PLAC9: variants seen among roughly 807,000 people sequenced by gnomAD.
The protein encoded by PLAC9 is placenta associated 9, also known as placenta-specific protein 9.
In PLAC9, 12 loss-of-function variants were observed where a neutral mutation model predicts 11.5. The observed-to-expected ratio is 1.05, with a 90% CI of 0.67 to 1.69. The LOEUF (loss-of-function observed/expected upper bound fraction) is 1.69, where lower values mean the gene tolerates loss of function less well. PLAC9 is among the 40% of genes most tolerant of loss of function. The pLI is 0.00. For synonymous variants in PLAC9, 62 were observed against 58.1 expected, an observed-to-expected ratio of 1.07 and a Z score of -0.31; for missense variants, 132 against 130.5, an observed-to-expected ratio of 1.01 and a Z score of -0.06.
intron 1 of PLAC9, among the ~76,000 whole-genome samples, chr10:80,133,936 T>A (rs1291222041): frequency 8.1e-6 from 1 of 123,512 alleles, no homozygotes; most frequent in Non-Finnish European, 1.7e-5. Flanking sequence ...AGAGCAAGAC[T>A]CAGTTTCAAA....
At chr10:80,132,672 A>T, upstream of PLAC9, 1 of 1,128,296 alleles carries the variant, frequency 8.9e-7, no homozygotes, top group Non-Finnish European at 1.2e-6. Context: ...TTTGGCTCGA[A>T]CTGAGTGCAT....
intron 1 of PLAC9, among the ~76,000 whole-genome samples, chr10:80,138,027 C>CCT (rs1308315267): frequency 6.6e-6 from 1 of 151,958 alleles, no homozygotes; most frequent in Non-Finnish European, 1.5e-5. Flanking sequence ...CCCCCAGGGG[C>CCT]CTCTCTCTCT....
Position 80,140,458 on chromosome 10 carries a change from C to T in PLAC9, c.65-1624C>T, listed in dbSNP as rs144881717. Among the ~76,000 whole-genome samples, 11 of 152,298 alleles carry T rather than the reference C, an allele frequency of 7.2e-5. No individual in the cohort carries two copies. The South Asian group carries it at 8.3e-4, about 11-fold the overall frequency. ...CAGTCCTTATCTTGCTAGACCTCTC[C>T]GCTGCTTTCGGCCCTGCTGACGCTT... On this transcript the variant is annotated intron_variant, in intron 1 of 3. Coordinates refer to ENST00000372263, the MANE Select transcript of PLAC9 (RefSeq NM_001012973.3).
chr10:80,140,368 T>C (rs1448600299), intron 1 of PLAC9, among the ~76,000 whole-genome samples: 1 of 152,176 alleles, frequency 6.6e-6, no homozygotes, highest in Non-Finnish European at 1.5e-5. Flanking sequence ...ATCCAAACTC[T>C]GCTTTTCCAC....
At chr10:80,136,256 G>A (rs560837552) in intron 1 of PLAC9, among the ~76,000 whole-genome samples, 26 of 152,234 alleles carry the variant, frequency 1.7e-4, no homozygotes, top group African/African-American at 4.8e-4. Flanking sequence ...CCCCTAGCAG[G>A]AGCCGGGCCA....
At chr10:80,137,482 G>C (rs189254922) in intron 1 of PLAC9, among the ~76,000 whole-genome samples, 3 of 152,192 alleles carry the variant, frequency 2.0e-5, no homozygotes, top group Non-Finnish European at 2.9e-5. Context: ...AGCCAGCAGG[G>C]GGGTATGTGT....
At chr10:80,144,527 C>T (rs1845079023) in intron 3 of PLAC9, among the ~76,000 whole-genome samples, 184 bp downstream of exon 3, 4 of 151,100 alleles carry the variant, frequency 2.6e-5, no homozygotes, top group Admixed American at 2.6e-4. Context: ...GCCCCACCTG[C>T]CACACCCGGT....
intron 1 of PLAC9, among the ~76,000 whole-genome samples, chr10:80,135,714 C>G (rs1844968182): frequency 6.6e-6 from 1 of 152,126 alleles, no homozygotes; most frequent in Non-Finnish European, 1.5e-5. Context: ...AGCCACCACG[C>G]CCGGCCCATA....
At chr10:80,143,468 G>A (rs1053587574) in intron 2 of PLAC9, among the ~76,000 whole-genome samples, 12 of 130,948 alleles carry the variant, frequency 9.2e-5, no homozygotes, top group African/African-American at 3.6e-4. Flanking sequence ...TGTGATCTCG[G>A]CTCACTGCAA....
At chr10:80,134,265 CTTTTTTTT>C (rs559784722) in intron 1 of PLAC9, among the ~76,000 whole-genome samples, 2 of 134,644 alleles carry the variant, frequency 1.5e-5, no homozygotes, top group African/African-American at 2.7e-5. Flanking sequence ...TTCTTTCTTT[CTTTTTTTT>C]TTTTTTTTGA....
upstream of PLAC9, chr10:80,132,646 G>A: frequency 1.2e-6 from 1 of 827,636 alleles, no homozygotes; most frequent in Non-Finnish European, 1.7e-6. Context: ...CAGAAAGTCC[G>A]GAGCCGCCCA....
At chr10:80,137,842 G>A (rs1201758822) in intron 1 of PLAC9, among the ~76,000 whole-genome samples, 2 of 151,800 alleles carry the variant, frequency 1.3e-5, no homozygotes, top group African/African-American at 2.4e-5. Context: ...TTGAACCCGG[G>A]AAGAAGAGGT....
rs571714683 is a variant in PLAC9, at chr10:80,143,732, CT to C, written c.163-489del. ...ATAATATTTTAATGCAATTGGTGCC[CT>C]TAGTAATTCTATATGTTTTATTTTT... is the stretch of plus-strand genomic sequence containing the variant. On this transcript the variant is annotated intron_variant, in intron 2 of 3. Transcript: ENST00000372263. 1.6e-3 allele frequency among the ~76,000 whole-genome samples: 244 copies of C among 152,182 alleles called. 2 individuals are homozygous for C. Among genetic ancestry groups the C allele is most frequent in the African/African-American group, 5.5e-3 (227 of 41,526 alleles).
chr10:80,134,830 C>G (rs370429052), intron 1 of PLAC9, among the ~76,000 whole-genome samples: 1 of 112,538 alleles, frequency 8.9e-6, no homozygotes, highest in Non-Finnish European at 2.2e-5. Flanking sequence ...GTCTTCTCTC[C>G]CCTTTTTTTA....
At chr10:80,136,151 C>G (rs1355402596) in intron 1 of PLAC9, among the ~76,000 whole-genome samples, 2 of 152,214 alleles carry the variant, frequency 1.3e-5, no homozygotes. Flanking sequence ...CCAGCCCAGC[C>G]GAGCCCTCCT....
Position 80,145,314 on chromosome 10 carries a change from G to T in PLAC9, c.*404G>T. 3 of 302,592 alleles carry T rather than the reference G, an allele frequency of 9.9e-6. No individual in the cohort carries two copies. The highest frequency in any genetic ancestry group is 8.4e-5 in the South Asian group (2 of 23,932). The allele number at this position is 302,592 out of a possible 1,614,324, so 18.7% of individuals were successfully genotyped here. ...AATCTGCATTGCAATGAGACCCCCA[G>T]GGATTTTATGTGTCCATTAAAGTGG... On this transcript the variant is annotated 3_prime_UTR_variant, in exon 4 of 4. Coordinates refer to ENST00000372263, the MANE Select transcript of PLAC9 (RefSeq NM_001012973.3).
At chr10:80,138,024 G>T (rs1386532878) in intron 1 of PLAC9, among the ~76,000 whole-genome samples, 1 of 152,118 alleles carries the variant, frequency 6.6e-6, no homozygotes, top group Non-Finnish European at 1.5e-5. Context: ...TAGCCCCCAG[G>T]GGCCTCTCTC....
intron 1 of PLAC9, among the ~76,000 whole-genome samples, chr10:80,136,124 C>T (rs1844972335): frequency 6.6e-6 from 1 of 152,212 alleles, no homozygotes; most frequent in Non-Finnish European, 1.5e-5. Flanking sequence ...GGGGCCACGT[C>T]TCTTTAACTG....
chr10:80,144,180 G>T, intron 2 of PLAC9, 43 bp from the exon 3 acceptor site: 1 of 1,613,828 alleles, frequency 6.2e-7, no homozygotes, highest in East Asian at 2.2e-5. Context: ...AGCGGAACGT[G>T]GAACCACTTC....
Sources: gnomAD v4.1 joint callset for allele counts (sites outside exome capture counted in the v4.1 genomes callset) on GRCh38, gnomAD v4.1.1 for gene constraint, MANE v1.5 for transcripts, NCBI Gene and HGNC (gene_info 2026-07-23, HGNC 2026-07-21) for gene names.